EML4: variants seen among roughly 807,000 people sequenced by gnomAD.
EML4 encodes echinoderm microtubule-associated protein-like 4.
In EML4, 72 loss-of-function variants were observed where a neutral mutation model predicts 129.0. The observed-to-expected ratio is 0.56, with a 90% CI of 0.46 to 0.68. The LOEUF is 0.68. EML4 is among the 30% of genes least tolerant of loss of function. The pLI is 0.00. For missense variants in EML4, 1,363 were observed against 1,190.6 expected, an observed-to-expected ratio of 1.14 and a Z score of -2.13; for synonymous variants, 532 against 405.0, an observed-to-expected ratio of 1.31 and a Z score of -3.77.
At chr2:42,310,514 T>G (rs751997564) in intron 17 of EML4, among the ~76,000 whole-genome samples, 20 of 152,050 alleles carry the variant, frequency 1.3e-4, no homozygotes, top group Non-Finnish European at 2.4e-4. Context: ...CCTGGCTAAT[T>G]TTTGTATTTT....
intron 1 of EML4, among the ~76,000 whole-genome samples, chr2:42,211,082 T>A (rs1437804423): frequency 6.6e-6 from 1 of 152,234 alleles, no homozygotes; most frequent in East Asian, 1.9e-4. Context: ...ACTATAACTC[T>A]TTTTAGTATT....
intron 1 of EML4, among the ~76,000 whole-genome samples, chr2:42,232,990 G>A (rs1572594152): frequency 6.6e-6 from 1 of 152,292 alleles, no homozygotes; most frequent in African/African-American, 2.4e-5. Context: ...CCAAAGTGCT[G>A]GGATTACAGG....
At chr2:42,264,982 C>T (rs949121322) in intron 6 of EML4, 2 of 1,539,746 alleles carry the variant, frequency 1.3e-6, no homozygotes, top group Non-Finnish European at 1.7e-6. Flanking sequence ...TGGTTGCCTT[C>T]TAAGTGAATT....
Position 42,325,967 on chromosome 2 carries a change from A to C in EML4, c.2243-187A>C, listed in dbSNP as rs115941253. 2,064 of 466,740 alleles carry C rather than the reference A, an allele frequency of 4.4e-3. 42 individuals are homozygous for C. Among genetic ancestry groups the C allele is most frequent in the African/African-American group, 0.039 (1,867 of 47,834 alleles). 28.9% of individuals were successfully genotyped at this position (466,740 alleles called of 1,614,324 possible). A position where few individuals can be genotyped will look rare whatever the true frequency, so the allele number is the denominator to read the frequency against. ...AGAGGAAAAAAAAAACTTCCATGGG[A>C]AACAGTTTGTAGTTTTATAAACCCT... On this transcript the variant is annotated intron_variant, in intron 20 of 22. Transcript: ENST00000318522.
chr2:42,307,679 A>G (rs1415046055), intron 17 of EML4, among the ~76,000 whole-genome samples: 1 of 152,182 alleles, frequency 6.6e-6, no homozygotes, highest in Non-Finnish European at 1.5e-5. Context: ...ATTTAGAGAC[A>G]GTTTCCCTCT....
chr2:42,266,019 C>T (rs80285120), intron 6 of EML4, among the ~76,000 whole-genome samples: 38,656 of 152,156 alleles, frequency 0.25, 5,897 homozygotes, highest in East Asian at 0.56. Context: ...TTTCACAGCT[C>T]ATTTCTATGT....
chr2:42,203,261 A>G (rs531132765), intron 1 of EML4, among the ~76,000 whole-genome samples: 2 of 152,300 alleles, frequency 1.3e-5, no homozygotes, highest in South Asian at 4.1e-4. Context: ...ATTTTCCATG[A>G]GTATATGAAG....
chr2:42,217,742 G>C (rs1673287162), intron 1 of EML4, among the ~76,000 whole-genome samples: 1 of 152,154 alleles, frequency 6.6e-6, no homozygotes, highest in Non-Finnish European at 1.5e-5. Flanking sequence ...TTGCTGAACT[G>C]TAGTTTTTAG....
intron 7 of EML4, 62 bp from the exon 8 acceptor site, chr2:42,282,761 A>G: frequency 6.9e-7 from 1 of 1,448,758 alleles, no homozygotes. Context: ...AGTATCCATG[A>G]AAAATCTGTT....
chr2:42,315,585 T>C (rs744916), intron 17 of EML4, among the ~76,000 whole-genome samples: 1 of 151,972 alleles, frequency 6.6e-6, no homozygotes, highest in South Asian at 2.1e-4. Flanking sequence ...AGTAAAAAAA[T>C]AGACCTGTCT....
At position 42,245,582 on chromosome 2, in the gene EML4, G is replaced by C; in HGVS notation, c.103G>C (p.Glu35Gln). The stretch of plus-strand genomic sequence containing the variant: ...TCTTGAGTCACGAGTTCAGCAACAA[G>C]AAGATGAAATCACTGTGCTAAAGGC... ...SALESRVQQQ[E>Q]DEITVLKAAL... The change falls in exon 2 of 23, where the codon GAA (glutamate) becomes CAA (glutamine). Residue 35 changes from glutamate to glutamine, a missense_variant. Physicochemically the swap from Glu to Gln is conservative, Grantham distance 29. Coordinates refer to ENST00000318522, the MANE Select transcript of EML4 (RefSeq NM_019063.5). 6.2e-7 allele frequency: 1 copy of C among 1,613,926 alleles called. No homozygotes were observed. The highest frequency in any genetic ancestry group is 8.5e-7 in the Non-Finnish European group (1 of 1,179,898).
intron 1 of EML4, among the ~76,000 whole-genome samples, chr2:42,213,459 C>G (rs1014014303): frequency 3.3e-5 from 5 of 152,148 alleles, no homozygotes; most frequent in Non-Finnish European, 7.3e-5. Context: ...ACCCAGTCTC[C>G]TGTTGGACTA....
In EML4 at chr2:42,330,216, C is replaced by A. The variant is rs1458080547; in HGVS notation, c.*9C>A. ...CTTCGCCCTCGTCCTAACACCCTGGCTTCAGTGCAACTCTTTTCCTTCAGC... is the reference window on the plus strand; with the variant it reads ...CTTCGCCCTCGTCCTAACACCCTGGATTCAGTGCAACTCTTTTCCTTCAGC... On this transcript the variant is annotated 3_prime_UTR_variant, in exon 23 of 23. Coordinates refer to ENST00000318522, the MANE Select transcript of EML4 (RefSeq NM_019063.5). 1 of 1,610,564 alleles carries A rather than the reference C, an allele frequency of 6.2e-7. No homozygotes were observed. Among genetic ancestry groups the A allele is most frequent in the East Asian group, 2.2e-5 (1 of 44,854 alleles).
intron 1 of EML4, among the ~76,000 whole-genome samples, chr2:42,228,047 C>G (rs900376890): frequency 1.3e-5 from 2 of 151,968 alleles, no homozygotes; most frequent in Admixed American, 1.3e-4. Flanking sequence ...TGGTGAAACC[C>G]CATCTCTACA....
intron 17 of EML4, among the ~76,000 whole-genome samples, chr2:42,311,798 A>G (rs946800242): frequency 9.2e-5 from 14 of 152,276 alleles, no homozygotes; most frequent in African/African-American, 3.1e-4. Context: ...CAGAAGAAAC[A>G]TAACCTATGG....
chr2:42,210,505 C>CTT, intron 1 of EML4, among the ~76,000 whole-genome samples: 1 of 152,292 alleles, frequency 6.6e-6, no homozygotes, highest in East Asian at 1.9e-4. Flanking sequence ...TTCCCAACCC[C>CTT]TTTCTGTACT....
intron 9 of EML4, 60 bp downstream of exon 9, chr2:42,284,763 A>G (rs6744779): frequency 0.31 from 388,544 of 1,249,270 alleles, 64,117 homozygotes; most frequent in East Asian, 0.56. Flanking sequence ...AGTGGAATCT[A>G]TTGTAATTTT....
chr2:42,316,840 T>C (rs1481662012), intron 18 of EML4, among the ~76,000 whole-genome samples: 2 of 152,250 alleles, frequency 1.3e-5, no homozygotes, highest in Non-Finnish European at 1.5e-5. Context: ...TACTTTAAGC[T>C]ATAAGCCTTT....
chr2:42,185,277 G>T (rs960675388), intron 1 of EML4, among the ~76,000 whole-genome samples: 15 of 152,044 alleles, frequency 9.9e-5, no homozygotes, highest in African/African-American at 3.4e-4. Context: ...ATTGTGACAC[G>T]TGAAAATTAT....
Sources: allele counts gnomAD v4.1 joint callset (sites outside exome capture counted in the v4.1 genomes callset), GRCh38; gene constraint gnomAD v4.1.1; transcripts MANE v1.5; gene names NCBI Gene and HGNC (gene_info 2026-07-23, HGNC 2026-07-21).